The following KAZN variants were observed in gnomAD, a reference collection of about 807,000 sequenced individuals.
The protein encoded by KAZN is kazrin.
In KAZN, 40 loss-of-function variants were observed where a neutral mutation model predicts 87.4. That is an observed-to-expected ratio of 0.46 (90% CI 0.36 to 0.60). KAZN has a LOEUF of 0.60. KAZN is among the 20% of genes least tolerant of loss of function. The probability of loss-of-function intolerance (pLI) is 0.00; values close to 1 mark genes in which losing one functional copy is unlikely to be tolerated. For synonymous variants in KAZN, 466 were observed against 458.3 expected (o/e 1.02, Z -0.22); for missense variants, 898 against 1,073.9 (o/e 0.84, Z 2.29).
intron 1 of KAZN, among the ~76,000 whole-genome samples, chr1:13,991,206 C>T (rs1009120067): frequency 5.3e-5 from 8 of 152,052 alleles, no homozygotes; most frequent in Non-Finnish European, 1.2e-4. Context: ...TAAATACCTG[C>T]ACTGTGACTG....
chr1:15,078,758 G>A (rs919087320), intron 8 of KAZN, among the ~76,000 whole-genome samples: 2 of 152,196 alleles, frequency 1.3e-5, no homozygotes, highest in Admixed American at 1.3e-4. Context: ...GCCGCTACGG[G>A]ACCTCCAGTT....
chr1:14,057,043 CAAAA>C (rs527243643), intron 1 of KAZN, among the ~76,000 whole-genome samples: 5 of 91,658 alleles, frequency 5.5e-5, no homozygotes, highest in Admixed American at 1.3e-4. Context: ...GACCCTGTCT[CAAAA>C]AAAAAAAAAA....
intron 1 of KAZN, among the ~76,000 whole-genome samples, chr1:14,669,469 C>T (rs1639781654): frequency 1.3e-5 from 2 of 152,166 alleles, no homozygotes; most frequent in South Asian, 2.1e-4. Context: ...AAGAGCTGGG[C>T]GCGGTGGCTC....
At chr1:15,075,187 G>T (rs2100606814) in intron 8 of KAZN, among the ~76,000 whole-genome samples, 1 of 152,266 alleles carries the variant, frequency 6.6e-6, no homozygotes, top group South Asian at 2.1e-4. Flanking sequence ...CCACAGCCCA[G>T]CAGGGCATCA....
intron 1 of KAZN, chr1:14,180,424 T>G: frequency 6.5e-7 from 1 of 1,544,098 alleles, no homozygotes; most frequent in Non-Finnish European, 8.7e-7. Flanking sequence ...TCCTTCTTTT[T>G]CTTTCCACAG....
chr1:14,328,767 AAAAAG>A (rs1343321731), intron 2 of KAZN, among the ~76,000 whole-genome samples: 1 of 151,016 alleles, frequency 6.6e-6, no homozygotes, highest in African/African-American at 2.4e-5. Context: ...AAAAAAAAAA[AAAAAG>A]CCCTCCAGAT....
chr1:14,171,233 A>G (rs1382733211), intron 1 of KAZN, among the ~76,000 whole-genome samples: 2 of 152,320 alleles, frequency 1.3e-5, no homozygotes, highest in East Asian at 1.9e-4. Context: ...GCTGCTATGA[A>G]TAGTGCTGTT....
At chr1:14,287,332 T>C (rs570835142) in intron 2 of KAZN, among the ~76,000 whole-genome samples, 1 of 152,316 alleles carries the variant, frequency 6.6e-6, no homozygotes, top group Admixed American at 6.5e-5. Context: ...CATGTGACAC[T>C]ATTCTGACCA....
intron 2 of KAZN, among the ~76,000 whole-genome samples, chr1:14,288,002 A>G (rs1290589313): frequency 6.6e-6 from 1 of 152,210 alleles, no homozygotes; most frequent in Non-Finnish European, 1.5e-5. Context: ...CATATGTCGA[A>G]CCAGCCTTGC....
At chr1:14,255,591 A>G (rs1336681549) in intron 2 of KAZN, among the ~76,000 whole-genome samples, 2 of 152,226 alleles carry the variant, frequency 1.3e-5, no homozygotes, top group Non-Finnish European at 2.9e-5. Flanking sequence ...TGTTCCATCC[A>G]TCTACTGGTC....
At chr1:14,888,959 A>T (rs1375250359) in intron 1 of KAZN, among the ~76,000 whole-genome samples, 1 of 152,226 alleles carries the variant, frequency 6.6e-6, no homozygotes, top group Non-Finnish European at 1.5e-5. Flanking sequence ...TTGGAAGAAG[A>T]ATTGTCTTTG....
chr1:14,254,287 C>T (rs1003572252), intron 2 of KAZN, among the ~76,000 whole-genome samples: 1 of 152,254 alleles, frequency 6.6e-6, no homozygotes, highest in East Asian at 1.9e-4. Flanking sequence ...ATACAATGCA[C>T]TTGGAATCTC....
chr1:14,419,292 AAAAG>A (rs553164858), intron 2 of KAZN, among the ~76,000 whole-genome samples: 160 of 152,324 alleles, frequency 1.1e-3, no homozygotes, highest in Middle Eastern at 3.4e-3. Context: ...CATAAAGCGC[AAAAG>A]AAAGAAAGGC....
chr1:14,390,343 A>G (rs955381534), intron 2 of KAZN, among the ~76,000 whole-genome samples: 2 of 152,220 alleles, frequency 1.3e-5, no homozygotes, highest in African/African-American at 4.8e-5. Flanking sequence ...TATAATGTAA[A>G]CTTCGAAGAA....
At chr1:14,182,345 G>T (rs569631180) in intron 2 of KAZN, among the ~76,000 whole-genome samples, 78 of 152,302 alleles carry the variant, frequency 5.1e-4, no homozygotes, top group African/African-American at 1.8e-3. Context: ...GAAACGTCAT[G>T]TGGAAACCCC....
At chr1:14,968,921 G>A (rs1321930314) in intron 2 of KAZN, among the ~76,000 whole-genome samples, 1 of 152,230 alleles carries the variant, frequency 6.6e-6, no homozygotes, top group Non-Finnish European at 1.5e-5. Flanking sequence ...GACACACTCA[G>A]TGTACCTTAC....
chr1:15,056,397 A>G lies in KAZN; in HGVS notation c.916+117A>G, dbSNP rs1638282579. ...TACTACAGCAGCTTGGGGGCGTGGG[A>G]CAGAGACCTTGGGCTCATGTAACTG... On this transcript the variant is annotated intron_variant, in intron 5 of 14. Coordinates refer to ENST00000376030, the MANE Select transcript of KAZN (RefSeq NM_201628.3). This position sits in a 1 kb window ranked among gnomAD's most constrained non-coding sequence, Gnocchi z 5.4. The G allele has an allele frequency of 4.7e-6, 5 of 1,060,522 alleles. No individual in the cohort carries two copies. Among genetic ancestry groups the G allele is most frequent in the East Asian group, 5.3e-5 (2 of 38,020 alleles). 65.7% of individuals were successfully genotyped at this position (1,060,522 alleles called of 1,614,324 possible). A position where few individuals can be genotyped will look rare whatever the true frequency, so the allele number is the denominator to read the frequency against.
intron 2 of KAZN, among the ~76,000 whole-genome samples, chr1:14,353,225 CTTT>C (rs34074015): frequency 4.4e-5 from 6 of 137,640 alleles, no homozygotes; most frequent in Non-Finnish European, 3.1e-5. Context: ...GATGACATCA[CTTT>C]TTTTTTTTTT....
intron 1 of KAZN, among the ~76,000 whole-genome samples, chr1:14,030,906 A>G (rs1378342567): frequency 6.6e-6 from 1 of 152,238 alleles, no homozygotes; most frequent in Non-Finnish European, 1.5e-5. Flanking sequence ...ACCAGCAACT[A>G]TGTCTCTTGA....
Sources: allele counts gnomAD v4.1 joint callset (sites outside exome capture counted in the v4.1 genomes callset), GRCh38; gene constraint gnomAD v4.1.1; non-coding constraint Gnocchi (gnomAD v3.1); transcripts MANE v1.5; gene names NCBI Gene and HGNC (gene_info 2026-07-23, HGNC 2026-07-21).